Variants in RNF17 observed in about 807,000 individuals in gnomAD.
The protein encoded by RNF17 is ring finger protein 17, also known as spermatogenesis associated 23.
In RNF17, 31 loss-of-function variants were observed where a neutral mutation model predicts 200.5. That is an observed-to-expected ratio of 0.15 (90% CI 0.12 to 0.21). The LOEUF is 0.21. RNF17 is among the 10% of genes least tolerant of loss of function. RNF17 has a pLI of 1.00. For missense variants in RNF17, 1,628 were observed against 1,905.1 expected, an observed-to-expected ratio of 0.85 and a Z score of 2.71; for synonymous variants, 606 against 637.8, an observed-to-expected ratio of 0.95 and a Z score of 0.75.
chr13:24,776,921 T>G (rs937277540), intron 3 of RNF17, among the ~76,000 whole-genome samples: 1 of 152,222 alleles, frequency 6.6e-6, no homozygotes, highest in South Asian at 2.1e-4. Context: ...CTTATCTATA[T>G]ATGTATAATG....
intron 6 of RNF17, 126 bp downstream of exon 6, chr13:24,782,070 C>G (rs921189251): frequency 1.5e-6 from 1 of 684,412 alleles, no homozygotes; most frequent in Non-Finnish European, 2.6e-6. Context: ...AACTTTCAAA[C>G]AAGTTTGGAA....
chr13:24,831,454 C>T (rs1775190462), intron 17 of RNF17, among the ~76,000 whole-genome samples: 1 of 151,618 alleles, frequency 6.6e-6, no homozygotes, highest in African/African-American at 2.4e-5. Context: ...AGAAAAAAAA[C>T]AAATGAGCAA....
intron 18 of RNF17, among the ~76,000 whole-genome samples, chr13:24,838,087 C>T (rs1479458205): frequency 1.3e-5 from 2 of 152,094 alleles, no homozygotes; most frequent in East Asian, 3.8e-4. Flanking sequence ...ACTAGAAAAC[C>T]TAGAAGAGAT....
At chr13:24,766,073 C>CA (rs1178722069) in intron 1 of RNF17, among the ~76,000 whole-genome samples, 1 of 152,094 alleles carries the variant, frequency 6.6e-6, no homozygotes, top group Non-Finnish European at 1.5e-5. Context: ...ACTAAAAATA[C>CA]AAAAAAATTA....
chr13:24,757,506 T>C, the RNF17 span, among the ~76,000 whole-genome samples: 11 of 152,192 alleles, frequency 7.2e-5, no homozygotes, highest in East Asian at 2.1e-3. Flanking sequence ...GTATTTTTAA[T>C]AGAGACGGGG....
chr13:24,860,953 T>C (rs1893032975), intron 26 of RNF17, among the ~76,000 whole-genome samples: 1 of 152,058 alleles, frequency 6.6e-6, no homozygotes, highest in African/African-American at 2.4e-5. Flanking sequence ...TCACAGCTCA[T>C]TGCAGCCTTG....
At chr13:24,845,406 G>A (rs1891150492) in intron 22 of RNF17, among the ~76,000 whole-genome samples, 1 of 152,186 alleles carries the variant, frequency 6.6e-6, no homozygotes, top group Non-Finnish European at 1.5e-5. Flanking sequence ...TGAATTTGTG[G>A]AGGATTCTGG....
In RNF17 at chr13:24,864,807, G is replaced by A. The variant is rs967564692; in HGVS notation, c.3976-66G>A. The A allele has an allele frequency of 3.5e-6, 4 of 1,154,366 alleles. No homozygotes were observed. The African/African-American group carries it at 4.7e-5, about 14-fold the overall frequency. The allele number at this position is 1,154,366 out of a possible 1,614,324, so 71.5% of individuals were successfully genotyped here. On this transcript the variant is annotated intron_variant, in intron 28 of 35. Coordinates refer to ENST00000255324, the MANE Select transcript of RNF17 (RefSeq NM_031277.3). ...TTGTCAGAAGCTAAATTTGATATTTGCTGACTATAAAAATGTCATCAAGTG... is the reference window on the plus strand; with the variant it reads ...TTGTCAGAAGCTAAATTTGATATTTACTGACTATAAAAATGTCATCAAGTG...
intron 24 of RNF17, among the ~76,000 whole-genome samples, chr13:24,853,608 A>T (rs1892167748): frequency 6.6e-6 from 1 of 152,156 alleles, no homozygotes; most frequent in Non-Finnish European, 1.5e-5. Flanking sequence ...ATACATATGA[A>T]ATTTTAAGAG....
the RNF17 span, among the ~76,000 whole-genome samples, chr13:24,754,584 G>A: frequency 6.6e-6 from 1 of 152,088 alleles, no homozygotes; most frequent in Non-Finnish European, 1.5e-5. Context: ...TCCTACCCAC[G>A]AATGTATTAT....
At chr13:24,758,939 G>A in the RNF17 span, among the ~76,000 whole-genome samples, 1 of 151,902 alleles carries the variant, frequency 6.6e-6, no homozygotes, top group Non-Finnish European at 1.5e-5. Flanking sequence ...AGCCGGGCGT[G>A]GTGGTGTGTG....
In RNF17 at chr13:24,799,419, T is replaced by TTAAA; in HGVS notation, c.1425_1428dup (p.Asn477Ter). 6.2e-7 allele frequency: 1 copy of TTAAA among 1,608,758 alleles called. No individual in the cohort carries two copies. Among genetic ancestry groups the TTAAA allele is most frequent in the Non-Finnish European group, 8.5e-7 (1 of 1,177,554 alleles). On this transcript the variant is annotated frameshift_variant, in exon 12 of 36. Coordinates refer to ENST00000255324, the MANE Select transcript of RNF17 (RefSeq NM_031277.3). LOFTEE classifies it high-confidence loss of function. ...GGTGCAAGAATATTTGTCAGCAGTA[T>TTAAA]TAAAAATGGAATGTGGTGTCGAGGA...
chr13:24,800,400 G>T lies in RNF17; in HGVS notation c.1624G>T (p.Ala542Ser), dbSNP rs34134354. The T allele has an allele frequency of 1.7e-3, 2,734 of 1,610,924 alleles. 45 individuals carry two copies. In the African/African-American group the frequency reaches 0.033, roughly 20 times the overall value. The change falls in exon 13 of 36, where the codon GCT becomes TCT. Residue 542 changes from alanine to serine, a missense_variant. Transcript: ENST00000255324. ...TACCCATGTGAGACCAGAACACTCT[G>T]CTAAGCAACATATTGCACTAAATGA... ...VDTHVRPEHS[A>S]KQHIALNDLC...
At chr13:24,782,611 G>C (rs891906573) in intron 6 of RNF17, among the ~76,000 whole-genome samples, 4 of 150,978 alleles carry the variant, frequency 2.6e-5, no homozygotes, top group East Asian at 1.9e-4. Context: ...GAGATGGGGG[G>C]GGGATCTTTG....
chr13:24,786,864 AT>A, intron 6 of RNF17, among the ~76,000 whole-genome samples: 1 of 152,194 alleles, frequency 6.6e-6, no homozygotes, highest in East Asian at 1.9e-4. Context: ...GTCTCATCAA[AT>A]TTTGGAAGGT....
intron 2 of RNF17, among the ~76,000 whole-genome samples, chr13:24,772,685 A>G (rs1483629242): frequency 6.6e-6 from 1 of 150,650 alleles, no homozygotes; most frequent in Non-Finnish European, 1.5e-5. Context: ...ATCTCAGCTC[A>G]CTGCAAGCTC....
At chr13:24,828,641 A>G (rs1322032344) in intron 16 of RNF17, among the ~76,000 whole-genome samples, 3 of 148,892 alleles carry the variant, frequency 2.0e-5, no homozygotes, top group East Asian at 3.9e-4. Context: ...CATTAAATTC[A>G]TACTCTGTGT....
intron 9 of RNF17, among the ~76,000 whole-genome samples, chr13:24,791,992 A>G (rs545967237): frequency 6.6e-6 from 1 of 152,328 alleles, no homozygotes; most frequent in East Asian, 1.9e-4. Context: ...ACCTTGCCAG[A>G]GGAAGTGGAA....
At chr13:24,858,859 T>A in intron 25 of RNF17, 142 bp from the exon 26 acceptor site, 1 of 581,466 alleles carries the variant, frequency 1.7e-6, no homozygotes, top group Non-Finnish European at 3.0e-6. Flanking sequence ...TACTAGTATG[T>A]TTTAAAACAC....
Sources: allele counts gnomAD v4.1 joint callset (sites outside exome capture counted in the v4.1 genomes callset), GRCh38; gene constraint gnomAD v4.1.1; transcripts MANE v1.5; gene names NCBI Gene and HGNC (gene_info 2026-07-23, HGNC 2026-07-21).